Variants in MDGA2 observed in about 807,000 individuals in gnomAD.
The protein encoded by MDGA2 is MAM domain-containing glycosylphosphatidylinositol anchor protein 2.
MDGA2 carries 40 observed loss-of-function variants against 117.8 expected under a neutral mutation model. That is an observed-to-expected ratio of 0.34 (90% confidence interval 0.26 to 0.44). The LOEUF is 0.44. MDGA2 is among the 20% of genes least tolerant of loss of function. The pLI is 1.00. For missense variants in MDGA2, 1,123 were observed against 1,250.6 expected, an observed-to-expected ratio of 0.90 and a Z score of 1.54; for synonymous variants, 452 against 439.0, an observed-to-expected ratio of 1.03 and a Z score of -0.37.
chr14:47,186,852 T>C (rs1193670844), intron 3 of MDGA2, among the ~76,000 whole-genome samples: 1 of 151,946 alleles, frequency 6.6e-6, no homozygotes, highest in Non-Finnish European at 1.5e-5. Flanking sequence ...CTAGGATTAT[T>C]ATGTATTGTT....
intron 2 of MDGA2, among the ~76,000 whole-genome samples, chr14:47,298,951 G>T (rs112625380): frequency 0.05 from 7,557 of 152,120 alleles, 222 homozygotes; most frequent in African/African-American, 0.082. Context: ...CTCCTAAAGT[G>T]CTGGGATTAC....
intron 1 of MDGA2, among the ~76,000 whole-genome samples, chr14:47,573,519 T>C (rs1896059425): frequency 1.3e-5 from 2 of 152,002 alleles, no homozygotes; most frequent in African/African-American, 4.8e-5. Flanking sequence ...ACCATTAGAG[T>C]CTAATAGAAA....
chr14:46,901,816 A>C (rs1224497968), intron 10 of MDGA2, among the ~76,000 whole-genome samples: 1 of 152,196 alleles, frequency 6.6e-6, no homozygotes, highest in Non-Finnish European at 1.5e-5. Flanking sequence ...GCATTCTCTG[A>C]ACCACATTGG....
chr14:46,905,050 A>C (rs1883435543), intron 10 of MDGA2, among the ~76,000 whole-genome samples: 1 of 152,210 alleles, frequency 6.6e-6, no homozygotes, highest in Non-Finnish European at 1.5e-5. Flanking sequence ...AGCCCTATTC[A>C]AACCAGACAA....
chr14:47,151,314 C>T (rs1028022207), intron 3 of MDGA2, among the ~76,000 whole-genome samples: 3 of 152,228 alleles, frequency 2.0e-5, no homozygotes, highest in Admixed American at 6.5e-5. Context: ...GCATTTCCCA[C>T]AGTGAGGTGG....
chr14:46,909,752 C>T (rs1883629673), intron 10 of MDGA2, among the ~76,000 whole-genome samples: 1 of 152,078 alleles, frequency 6.6e-6, no homozygotes, highest in Admixed American at 6.6e-5. Context: ...AGCATAAACA[C>T]ATATATCTTC....
chr14:47,343,110 G>A, intron 1 of MDGA2: 1 of 1,241,884 alleles, frequency 8.1e-7, no homozygotes. Context: ...TGAATAACCA[G>A]ATGCTCGAGG....
chr14:46,911,354 C>G (rs902322117), intron 10 of MDGA2, among the ~76,000 whole-genome samples: 3 of 152,160 alleles, frequency 2.0e-5, no homozygotes, highest in African/African-American at 7.2e-5. Context: ...TAGTCCATTA[C>G]TGAGTAGTTG....
intron 1 of MDGA2, among the ~76,000 whole-genome samples, chr14:47,492,780 C>G (rs1202485506): frequency 6.6e-6 from 1 of 151,906 alleles, no homozygotes; most frequent in Non-Finnish European, 1.5e-5. Flanking sequence ...TGTCCCAAAC[C>G]CCACCCATGA....
At chr14:47,635,981 A>T (rs1321687896) in intron 1 of MDGA2, among the ~76,000 whole-genome samples, 1 of 152,196 alleles carries the variant, frequency 6.6e-6, no homozygotes, top group Non-Finnish European at 1.5e-5. Context: ...AACACAGGCC[A>T]TTTGCAAATC....
intron 14 of MDGA2, among the ~76,000 whole-genome samples, chr14:46,861,328 T>C (rs1372347968): frequency 1.3e-5 from 2 of 151,916 alleles, no homozygotes; most frequent in Non-Finnish European, 2.9e-5. Context: ...TATCAGTAAT[T>C]ATAGGGTATC....
At position 47,175,262 on chromosome 14, in the gene MDGA2, C is replaced by G. The variant is rs1020214303; in HGVS notation, c.596-30988G>C. Among the ~76,000 whole-genome samples, 76 of 151,902 alleles carry G rather than the reference C, an allele frequency of 5.0e-4. 1 individual carries two copies. The highest frequency in any genetic ancestry group is 1.7e-3 in the African/African-American group (72 of 41,206). On this transcript the variant is annotated intron_variant, in intron 3 of 16. Transcript: ENST00000399232. ...CCATTCCTTGTGAAACTATTCCAAT[C>G]AATAGAAAAGGAGGGAATCCTCCCT... is the stretch of plus-strand genomic sequence containing the variant.
chr14:46,964,239 AAC>A lies in MDGA2; in HGVS notation c.1820-6598_1820-6597del, dbSNP rs532747825. On this transcript the variant is annotated intron_variant, in intron 8 of 16. Coordinates refer to ENST00000399232, the MANE Select transcript of MDGA2 (RefSeq NM_001113498.3). ...CCCTTCCAAGGTTCCAGACACAAGA[AAC>A]CATCTTGGACATTAGAGACCAGATC... Among the ~76,000 whole-genome samples the A allele has an allele frequency of 5.4e-4, 83 of 152,342 alleles. 1 individual carries two copies. In the South Asian group the frequency reaches 0.015, roughly 28 times the overall value.
chr14:47,347,951 T>G (rs982339452), intron 1 of MDGA2, among the ~76,000 whole-genome samples: 1 of 152,082 alleles, frequency 6.6e-6, no homozygotes, highest in African/African-American at 2.4e-5. Context: ...AAAATCAGAA[T>G]TGAGAAAGGT....
At chr14:46,973,535 G>A (rs1886345551) in intron 8 of MDGA2, among the ~76,000 whole-genome samples, 1 of 152,016 alleles carries the variant, frequency 6.6e-6, no homozygotes, top group South Asian at 2.1e-4. Context: ...AGGTCTGTAT[G>A]GAAGGCAAAA....
intron 9 of MDGA2, among the ~76,000 whole-genome samples, chr14:46,938,298 G>A (rs1884857818): frequency 6.6e-6 from 1 of 151,838 alleles, no homozygotes; most frequent in African/African-American, 2.4e-5. Flanking sequence ...CAGCACTTTG[G>A]GAGGCCTAGG....
chr14:47,647,422 T>G (rs562679460), intron 1 of MDGA2, among the ~76,000 whole-genome samples: 1 of 149,508 alleles, frequency 6.7e-6, no homozygotes, highest in South Asian at 2.1e-4. Flanking sequence ...GACACAAGCT[T>G]TAAAAAGGCA....
intron 3 of MDGA2, among the ~76,000 whole-genome samples, chr14:47,165,732 T>G (rs1397006327): frequency 2.0e-5 from 3 of 152,184 alleles, no homozygotes; most frequent in African/African-American, 7.2e-5. Context: ...TTGCCAAAAC[T>G]GATATACAAA....
At chr14:47,491,144 A>G (rs1446319347) in intron 1 of MDGA2, among the ~76,000 whole-genome samples, 3 of 152,044 alleles carry the variant, frequency 2.0e-5, no homozygotes, top group Non-Finnish European at 4.4e-5. Flanking sequence ...TTTTTTTGTT[A>G]TCCTAAAATT....
Sources: gnomAD v4.1 joint callset for allele counts (sites outside exome capture counted in the v4.1 genomes callset) on GRCh38, gnomAD v4.1.1 for gene constraint, MANE v1.5 for transcripts, NCBI Gene and HGNC (gene_info 2026-07-23, HGNC 2026-07-21) for gene names.